The following SPNS2 variants were observed in gnomAD, a reference collection of about 807,000 sequenced individuals.
The protein encoded by SPNS2 is SPNS lysolipid transporter 2, sphingosine-1-phosphate, also known as sphingosine-1-phosphate transporter SPNS2.
A neutral mutation model predicts 57.6 loss-of-function variants in SPNS2; 37 were observed. That is an observed-to-expected ratio of 0.64 (90% CI 0.49 to 0.85). The LOEUF is 0.85. SPNS2 is among the 40% of genes least tolerant of loss of function. The pLI, the probability that SPNS2 is intolerant of heterozygous loss-of-function variation, is 0.00. For missense variants in SPNS2, 831 were observed against 779.1 expected (o/e 1.07, Z -0.79); for synonymous variants, 440 against 346.9 (o/e 1.27, Z -2.98).
At chr17:4,536,968 C>T (rs200956220) in intron 12 of SPNS2, 22 bp downstream of exon 12, 7 of 1,610,528 alleles carry the variant, frequency 4.3e-6, no homozygotes, top group Middle Eastern at 1.7e-4. Context: ...CCGGGAGGCA[C>T]GTGGGGGCTC....
In SPNS2 at chr17:4,536,336, T is replaced by C. The variant is rs776069056; in HGVS notation, c.1517T>C (p.Met506Thr). 5 of 1,611,920 alleles carry C rather than the reference T, an allele frequency of 3.1e-6. No individual in the cohort carries two copies. Among genetic ancestry groups the C allele is most frequent in the South Asian group, 1.1e-5 (1 of 91,090 alleles). The stretch of plus-strand genomic sequence containing the variant: ...TTCCTGAGCCTGGGCTACGCGCTCA[T>C]GCTCTGCCCTTTCGTCGTGGTCCTG... ...WEFLSLGYALMLCPFVVVLGG... is the reference protein window; with the variant it reads ...WEFLSLGYALTLCPFVVVLGG... Residue 506 changes from methionine to threonine, a missense_variant, in exon 11 of 13, where the codon ATG becomes ACG. Physicochemically the swap from Met to Thr is moderately conservative, Grantham distance 81. Transcript: ENST00000329078.
At chr17:4,500,967 T>A (rs566328418) in intron 1 of SPNS2, among the ~76,000 whole-genome samples, 9 of 152,314 alleles carry the variant, frequency 5.9e-5, no homozygotes, top group African/African-American at 2.2e-4. Context: ...CGCCAGCCGC[T>A]GTCACGCATG....
chr17:4,501,854 A>C (rs1904522036), intron 1 of SPNS2, among the ~76,000 whole-genome samples: 1 of 151,950 alleles, frequency 6.6e-6, no homozygotes, highest in Non-Finnish European at 1.5e-5. Context: ...CCAGCTCCCC[A>C]CCAAAGATGG....
Position 4,511,522 on chromosome 17 carries a change from C to A in SPNS2, c.371-1725C>A, listed in dbSNP as rs1410597452. Among the ~76,000 whole-genome samples the A allele has an allele frequency of 6.6e-6, 1 of 152,194 alleles. No homozygotes were observed. The highest frequency in any genetic ancestry group is 1.5e-5 in the Non-Finnish European group (1 of 68,032). On this transcript the variant is annotated intron_variant, in intron 1 of 12. Transcript: ENST00000329078. The surrounding 1 kb of genome is among the most constrained non-coding windows in gnomAD (Gnocchi z 4.6). The stretch of plus-strand genomic sequence containing the variant: ...ACACATCAGGAGGGGGAACAGAGTC[C>A]TGACCCAGAAAGGAATGGGTTGTGG...
intron 11 of SPNS2, 133 bp from the exon 12 acceptor site, chr17:4,536,767 T>G (rs1474785278): frequency 1.3e-6 from 1 of 743,820 alleles, no homozygotes; most frequent in Non-Finnish European, 2.3e-6. Context: ...CTCTCCCATC[T>G]CCCCCTGGGG....
At chr17:4,514,674 A>G (rs540253537) in intron 2 of SPNS2, among the ~76,000 whole-genome samples, 2 of 152,254 alleles carry the variant, frequency 1.3e-5, no homozygotes, top group South Asian at 2.1e-4. Flanking sequence ...CATGAGCCCA[A>G]CGCCTCCCCT....
intron 8 of SPNS2, 113 bp downstream of exon 8, chr17:4,533,545 C>T (rs1905602727): frequency 2.4e-6 from 3 of 1,225,896 alleles, no homozygotes; most frequent in Non-Finnish European, 3.4e-6. Flanking sequence ...CGGGGAGGCT[C>T]CTATTCTCTG....
rs932400609 is a variant in SPNS2, at chr17:4,536,019, G to A, written c.1345-57G>A. 14 of 1,514,436 alleles carry A rather than the reference G, an allele frequency of 9.2e-6. No homozygotes were observed. The South Asian group carries it at 1.0e-4, about 11-fold the overall frequency. The allele number at this position is 1,514,436 out of a possible 1,614,324, so 93.8% of individuals were successfully genotyped here. The stretch of plus-strand genomic sequence containing the variant: ...TCAGAAGTGCCACGGCCCGGGGCCA[G>A]GGCCAAGCGCGTGAGCCTTTCTCCT... On this transcript the variant is annotated intron_variant, in intron 9 of 12. Coordinates refer to ENST00000329078, the MANE Select transcript of SPNS2 (RefSeq NM_001124758.3).
chr17:4,536,016 C>CCGGGGT, intron 9 of SPNS2, 60 bp from the exon 10 acceptor site: 1 of 1,480,044 alleles, frequency 6.8e-7, no homozygotes, highest in South Asian at 1.2e-5. Flanking sequence ...CGGCCCGGGG[C>CCGGGGT]CAGGGCCAAG....
chr17:4,537,259 G>C (rs8079960), intron 12 of SPNS2, among the ~76,000 whole-genome samples, 194 bp from the exon 13 acceptor site: 63,754 of 152,068 alleles, frequency 0.42, 13,527 homozygotes, highest in East Asian at 0.47. Context: ...AATCCTCCTG[G>C]ATGTACCAGG....
At position 4,512,653 on chromosome 17, in the gene SPNS2, C is replaced by T. The variant is rs918480733; in HGVS notation, c.371-594C>T. On this transcript the variant is annotated intron_variant, in intron 1 of 12. Transcript: ENST00000329078. The surrounding 1 kb of genome is among the most constrained non-coding windows in gnomAD (Gnocchi z 5.2). ...GACAGTGTGTGTGTGTGCGTGCGCG[C>T]GCACGGGTATGTGTGTGCGCGCGTG... Among the ~76,000 whole-genome samples the T allele has an allele frequency of 2.6e-5, 4 of 151,186 alleles. No individual in the cohort carries two copies. Among genetic ancestry groups the T allele is most frequent in the East Asian group, 2.0e-4 (1 of 5,124 alleles).
rs780502709 is a variant in SPNS2, at chr17:4,533,120, C to G, written c.1079C>G (p.Ala360Gly). 14 of 1,609,940 alleles carry G rather than the reference C, an allele frequency of 8.7e-6. No individual in the cohort carries two copies. The highest frequency in any genetic ancestry group is 8.5e-6 in the Non-Finnish European group (10 of 1,178,128). The change falls in exon 7 of 13, where the codon GCC becomes GGC. Residue 360 changes from alanine to glycine, a missense_variant. Around this residue, in one of 2 missense-constraint regions of SPNS2, gnomAD observed 526 missense variants for 400.9 expected, o/e 1.31. Transcript: ENST00000329078. ...ACGTGCAACAGCCCGCCCTGTGGGG[C>G]CAAGGACAGGTGGGGCCCCGCGGGG... ...AETCNSPPCG[A>G]KDSLIFGAIT...
rs536768011 is a variant in SPNS2, at chr17:4,538,473, G to A, written c.*1025G>A. On this transcript the variant is annotated 3_prime_UTR_variant, in exon 13 of 13. Coordinates refer to ENST00000329078, the MANE Select transcript of SPNS2 (RefSeq NM_001124758.3). Reference sequence around the variant, plus strand: ...TGGCATTCCACCAAGTGACCCCAGGGGGGGGCCAGGCCTTCGATCACCCAC... The same window carrying A: ...TGGCATTCCACCAAGTGACCCCAGGAGGGGGCCAGGCCTTCGATCACCCAC... 4.3e-5 allele frequency: 1 copy of A among 23,226 alleles called. No individual in the cohort carries two copies. Among genetic ancestry groups the A allele is most frequent in the South Asian group, 9.4e-4 (1 of 1,064 alleles). 1.4% of individuals were successfully genotyped at this position (23,226 alleles called of 1,614,324 possible).
Position 4,533,832 on chromosome 17 carries a change from C to T in SPNS2, c.1323C>T (p.Ala441=), listed in dbSNP as rs1335047269. The T allele has an allele frequency of 3.1e-6, 5 of 1,610,550 alleles. No homozygotes were observed. Among genetic ancestry groups the T allele is most frequent in the East Asian group, 2.2e-5 (1 of 44,716 alleles). ...AGACGCTGCTGTTTTCTAACTGGGCCATCACTGCAGACATCCTCATGGTGA... is the reference window on the plus strand; with the variant it reads ...AGACGCTGCTGTTTTCTAACTGGGCTATCACTGCAGACATCCTCATGGTGA... ...VGETLLFSNW[A]ITADILMYVV... The change falls in exon 9 of 13, where the codon GCC becomes GCT. Residue 441 remains alanine, a synonymous_variant. Coordinates refer to ENST00000329078, the MANE Select transcript of SPNS2 (RefSeq NM_001124758.3).
intron 2 of SPNS2, 114 bp from the exon 3 acceptor site, chr17:4,524,943 T>C: frequency 6.8e-7 from 1 of 1,468,338 alleles, no homozygotes; most frequent in Non-Finnish European, 9.2e-7. Context: ...CTCTCTGGGC[T>C]GCTTCCTTGG....
rs995531956 is a variant in SPNS2 at position 4,512,278 on chromosome 17, C to T, written c.371-969C>T. Among the ~76,000 whole-genome samples, 28 of 152,304 alleles carry T rather than the reference C, an allele frequency of 1.8e-4. No individual in the cohort carries two copies. The highest frequency in any genetic ancestry group is 7.2e-4 in the Admixed American group (11 of 15,308). On this transcript the variant is annotated intron_variant, in intron 1 of 12. Transcript: ENST00000329078. The surrounding 1 kb of genome is among the most constrained non-coding windows in gnomAD (Gnocchi z 5.2). ...TGTGCCCTGGGTCCTCCTGTCCTCACAGATAATGCAGGCAGGGACCCTGAG... is the reference window on the plus strand; with the variant it reads ...TGTGCCCTGGGTCCTCCTGTCCTCATAGATAATGCAGGCAGGGACCCTGAG...
rs1480754248 is a variant in SPNS2, at chr17:4,537,753, T to C, written c.*305T>C. ...CCCAAGTGGGTGTCCGGGGAGAGCCTGGCCTGCCACCAGCTTATGTGATCT... is the reference window on the plus strand; with the variant it reads ...CCCAAGTGGGTGTCCGGGGAGAGCCCGGCCTGCCACCAGCTTATGTGATCT... On this transcript the variant is annotated 3_prime_UTR_variant, in exon 13 of 13. Coordinates refer to ENST00000329078, the MANE Select transcript of SPNS2 (RefSeq NM_001124758.3). 6.6e-6 allele frequency: 3 copies of C among 456,506 alleles called. No homozygotes were observed. Among genetic ancestry groups the C allele is most frequent in the South Asian group, 1.5e-5 (1 of 64,568 alleles). 28.3% of individuals were successfully genotyped at this position (456,506 alleles called of 1,614,324 possible). A position where few individuals can be genotyped will look rare whatever the true frequency, so the allele number is the denominator to read the frequency against.
intron 1 of SPNS2, among the ~76,000 whole-genome samples, chr17:4,502,903 A>G (rs1413129646): frequency 6.6e-6 from 1 of 152,094 alleles, no homozygotes; most frequent in Non-Finnish European, 1.5e-5. Flanking sequence ...GAACTCTAGT[A>G]GCTTCTGCCC....
intron 2 of SPNS2, among the ~76,000 whole-genome samples, chr17:4,519,926 C>G (rs1256151684): frequency 6.6e-6 from 1 of 152,230 alleles, no homozygotes; most frequent in Non-Finnish European, 1.5e-5. Context: ...TCAGGCCCCT[C>G]CATGGCCTGT....
Sources: gnomAD v4.1 joint callset for allele counts (sites outside exome capture counted in the v4.1 genomes callset) on GRCh38, gnomAD v4.1.1 for gene constraint, gnomAD v4.1.1 regional missense constraint, Gnocchi (gnomAD v3.1) non-coding constraint, MANE v1.5 for transcripts, NCBI Gene and HGNC (gene_info 2026-07-23, HGNC 2026-07-21) for gene names.